Variants in RAB15 observed in about 807,000 individuals in gnomAD.
The protein encoded by RAB15 is RAB15, member RAS oncogene family, also known as ras-related protein Rab-15.
RAB15 carries 13 observed loss-of-function variants against 31.8 expected under a neutral mutation model. The ratio of observed to expected loss-of-function variants is 0.41; its 90% CI spans 0.27 to 0.65. RAB15 has a LOEUF of 0.65. Among genes scored for constraint, RAB15 ranks in the 30% least tolerant of loss-of-function variants. RAB15 has a pLI of 0.32. For synonymous variants in RAB15, 100 were observed against 105.6 expected (o/e 0.95, Z 0.33); for missense variants, 220 against 277.3 (o/e 0.79, Z 1.47).
In RAB15 at chr14:64,950,505, C is replaced by G. The variant is rs1484519795; in HGVS notation, c.325-91G>C. The G allele has an allele frequency of 9.3e-7, 1 of 1,074,112 alleles. No homozygotes were observed. The allele number at this position is 1,074,112 out of a possible 1,614,324, so 66.5% of individuals were successfully genotyped here. A position where few individuals can be genotyped will look rare whatever the true frequency, so the allele number is the denominator to read the frequency against. On this transcript the variant is annotated intron_variant, in intron 4 of 6. Coordinates refer to ENST00000533601, the MANE Select transcript of RAB15 (RefSeq NM_001308154.2). This position sits in a 1 kb window ranked among gnomAD's most constrained non-coding sequence, Gnocchi z 5.6. Reference sequence around the variant, plus strand: ...GTCTGCACTGCCTCCAGCCCACCACCAATTCCAGAGCCCTAGGGACAGGGT... The same window carrying G: ...GTCTGCACTGCCTCCAGCCCACCACGAATTCCAGAGCCCTAGGGACAGGGT...
rs1181366112 is a variant in RAB15 at position 64,947,784 on chromosome 14, G to C, written c.*570C>G. ...ACCCTGTAGCCTTTGGCCCACCCACGAGGCAGGGTGGAGGGTTCTTCCTGG... is the reference window on the plus strand; with the variant it reads ...ACCCTGTAGCCTTTGGCCCACCCACCAGGCAGGGTGGAGGGTTCTTCCTGG... On this transcript the variant is annotated 3_prime_UTR_variant, in exon 7 of 7. Coordinates refer to ENST00000533601, the MANE Select transcript of RAB15 (RefSeq NM_001308154.2). The surrounding 1 kb of genome is among the most constrained non-coding windows in gnomAD (Gnocchi z 5.6). The C allele has an allele frequency of 6.6e-6, 1 of 152,330 alleles. No individual in the cohort carries two copies. The highest frequency in any genetic ancestry group is 1.9e-4 in the East Asian group (1 of 5,176). 9.4% of individuals were successfully genotyped at this position (152,330 alleles called of 1,614,324 possible). A position where few individuals can be genotyped will look rare whatever the true frequency, so the allele number is the denominator to read the frequency against.
chr14:64,962,060 CA>C lies in RAB15; in HGVS notation c.125-9490del, dbSNP rs1566847449. ...TGAAACCTTGTCTCTACTAAAAATACAAAAATTAGCTGGTCGTGGTGGCAGG... is the reference window on the plus strand; with the variant it reads ...TGAAACCTTGTCTCTACTAAAAATACAAAATTAGCTGGTCGTGGTGGCAGG... On this transcript the variant is annotated intron_variant, in intron 1 of 6. Transcript: ENST00000533601. The surrounding 1 kb of genome is among the most constrained non-coding windows in gnomAD (Gnocchi z 4.2). Among the ~76,000 whole-genome samples the C allele has an allele frequency of 6.6e-6, 1 of 151,928 alleles. No individual in the cohort carries two copies. Among genetic ancestry groups the C allele is most frequent in the Non-Finnish European group, 1.5e-5 (1 of 67,960 alleles).
rs1231598598 is a variant in RAB15, at chr14:64,971,541, G to A, written c.124+412C>T. ...CTTGGGTCACCACAGAACCAAGGGCGCCTCAGTGACTCCGGTCTCCACCCT... is the reference window on the plus strand; with the variant it reads ...CTTGGGTCACCACAGAACCAAGGGCACCTCAGTGACTCCGGTCTCCACCCT... On this transcript the variant is annotated intron_variant, in intron 1 of 6. Coordinates refer to ENST00000533601, the MANE Select transcript of RAB15 (RefSeq NM_001308154.2). The surrounding 1 kb of genome is among the most constrained non-coding windows in gnomAD (Gnocchi z 4.1). Among the ~76,000 whole-genome samples, 3 of 151,436 alleles carry A rather than the reference G, an allele frequency of 2.0e-5. No homozygotes were observed. The highest frequency in any genetic ancestry group is 2.9e-5 in the Non-Finnish European group (2 of 67,854).
chr14:64,954,901 A>G lies in RAB15; in HGVS notation c.125-2330T>C, dbSNP rs1771223137. On this transcript the variant is annotated intron_variant, in intron 1 of 6. Transcript: ENST00000533601. This position sits in a 1 kb window ranked among gnomAD's most constrained non-coding sequence, Gnocchi z 4.3. ...ATATTAAGGTGAATTTTTCCCTGTG[A>G]GAGAAGAGGGGATGGAGGGAGAGGT... 6.6e-6 allele frequency among the ~76,000 whole-genome samples: 1 copy of G among 152,140 alleles called. No homozygotes were observed. The highest frequency in any genetic ancestry group is 2.4e-5 in the African/African-American group (1 of 41,416).
At position 64,971,042 on chromosome 14, in the gene RAB15, G is replaced by A. The variant is rs1225719485; in HGVS notation, c.124+911C>T. ...TTCCAGGGGCCTGGGCAATGCAGAG[G>A]CTACTCCAGGGCTGACCCGGGTAGC... On this transcript the variant is annotated intron_variant, in intron 1 of 6. Transcript: ENST00000533601. This position sits in a 1 kb window ranked among gnomAD's most constrained non-coding sequence, Gnocchi z 4.1. 1.3e-5 allele frequency among the ~76,000 whole-genome samples: 2 copies of A among 152,150 alleles called. No homozygotes were observed. Among genetic ancestry groups the A allele is most frequent in the East Asian group, 3.9e-4 (2 of 5,188 alleles).
In RAB15 at chr14:64,954,853, C is replaced by T. The variant is rs987395468; in HGVS notation, c.125-2282G>A. ...TTTGCCTGTGGGTGCCTGAGAAGGACTTTGCTAGGAGAGGAACTTCCAATA... is the reference window on the plus strand; with the variant it reads ...TTTGCCTGTGGGTGCCTGAGAAGGATTTTGCTAGGAGAGGAACTTCCAATA... On this transcript the variant is annotated intron_variant, in intron 1 of 6. Coordinates refer to ENST00000533601, the MANE Select transcript of RAB15 (RefSeq NM_001308154.2). The surrounding 1 kb of genome is among the most constrained non-coding windows in gnomAD (Gnocchi z 4.3). 2.6e-5 allele frequency among the ~76,000 whole-genome samples: 4 copies of T among 152,192 alleles called. No individual in the cohort carries two copies. Among genetic ancestry groups the T allele is most frequent in the Admixed American group, 6.5e-5 (1 of 15,272 alleles).
At chr14:64,965,748 G>A (rs1200751562) in intron 1 of RAB15, among the ~76,000 whole-genome samples, 1 of 152,184 alleles carries the variant, frequency 6.6e-6, no homozygotes, top group Non-Finnish European at 1.5e-5. Flanking sequence ...CAGCCTGTCT[G>A]GGGAGCGGGG....
At chr14:64,967,503 C>A (rs1346295406) in intron 1 of RAB15, among the ~76,000 whole-genome samples, 2 of 151,638 alleles carry the variant, frequency 1.3e-5, no homozygotes, top group Non-Finnish European at 2.9e-5. Context: ...GGGAGGATTG[C>A]GTTTAGGAGA....
rs561301111 is a variant in RAB15, at chr14:64,961,245, G to A, written c.125-8674C>T. Reference sequence around the variant, plus strand: ...CCCTCCCACTGCAGGAAACCAGCATGTGTGGGCCATGTGCACCTCCTGTGG... The same window carrying A: ...CCCTCCCACTGCAGGAAACCAGCATATGTGGGCCATGTGCACCTCCTGTGG... On this transcript the variant is annotated intron_variant, in intron 1 of 6. Coordinates refer to ENST00000533601, the MANE Select transcript of RAB15 (RefSeq NM_001308154.2). Among the ~76,000 whole-genome samples the A allele has an allele frequency of 1.2e-4, 19 of 152,336 alleles. No homozygotes were observed. The East Asian group carries it at 1.4e-3, about 11-fold the overall frequency.
At chr14:64,969,004 A>T (rs1007530014) in intron 1 of RAB15, among the ~76,000 whole-genome samples, 13 of 152,256 alleles carry the variant, frequency 8.5e-5, no homozygotes, top group Admixed American at 3.9e-4. Flanking sequence ...AGTAAATCAC[A>T]AAAGTACTGG....
At chr14:64,963,886 A>C (rs1886984153) in intron 1 of RAB15, among the ~76,000 whole-genome samples, 1 of 152,084 alleles carries the variant, frequency 6.6e-6, no homozygotes. Context: ...CTCAAATGTC[A>C]CTTCCTCTTC....
In RAB15 at chr14:64,954,381, T is replaced by A. The variant is rs1322690458; in HGVS notation, c.125-1810A>T. The A allele has an allele frequency of 1.0e-6, 1 of 985,394 alleles. No individual in the cohort carries two copies. The highest frequency in any genetic ancestry group is 1.1e-4 in the East Asian group (1 of 8,826). 61.0% of individuals were successfully genotyped at this position (985,394 alleles called of 1,614,324 possible). ...TAGAAGGGAATCAAGACATTCTTGT[T>A]TCATGATACAGCACCTTCTTCCAAG... On this transcript the variant is annotated intron_variant, in intron 1 of 6. Coordinates refer to ENST00000533601, the MANE Select transcript of RAB15 (RefSeq NM_001308154.2). The surrounding 1 kb of genome is among the most constrained non-coding windows in gnomAD (Gnocchi z 4.3).
In RAB15 at chr14:64,971,940, C is replaced by G; in HGVS notation, c.124+13G>C. 6.4e-7 allele frequency: 1 copy of G among 1,557,340 alleles called. No homozygotes were observed. The highest frequency in any genetic ancestry group is 8.7e-7 in the Non-Finnish European group (1 of 1,151,350). On this transcript the variant is annotated intron_variant, in intron 1 of 6. Coordinates refer to ENST00000533601, the MANE Select transcript of RAB15 (RefSeq NM_001308154.2). This position sits in a 1 kb window ranked among gnomAD's most constrained non-coding sequence, Gnocchi z 4.1. ...GCGGGGAGGGAGGGGCGCCCCGGGC[C>G]ACCGCCCCTTACCGATGGTGGAGAT...
rs751857403 is a variant in RAB15, at chr14:64,955,006, C to T, written c.125-2435G>A. On this transcript the variant is annotated intron_variant, in intron 1 of 6. Transcript: ENST00000533601. This position sits in a 1 kb window ranked among gnomAD's most constrained non-coding sequence, Gnocchi z 4.4. ...CCGGAAGTGAGGCTGGGCAGTGACT[C>T]CTTCTCACCTCCTCCCTCACTTCTT... Among the ~76,000 whole-genome samples the T allele has an allele frequency of 6.6e-6, 1 of 152,050 alleles. No homozygotes were observed. Among genetic ancestry groups the T allele is most frequent in the African/African-American group, 2.4e-5 (1 of 41,392 alleles).
chr14:64,958,820 G>A lies in RAB15; in HGVS notation c.125-6249C>T, dbSNP rs529864191. 5.3e-5 allele frequency among the ~76,000 whole-genome samples: 8 copies of A among 152,320 alleles called. No individual in the cohort carries two copies. Among genetic ancestry groups the A allele is most frequent in the Non-Finnish European group, 1.2e-4 (8 of 68,036 alleles). On this transcript the variant is annotated intron_variant, in intron 1 of 6. Coordinates refer to ENST00000533601, the MANE Select transcript of RAB15 (RefSeq NM_001308154.2). This position sits in a 1 kb window ranked among gnomAD's most constrained non-coding sequence, Gnocchi z 4.4. Reference sequence around the variant, plus strand: ...CCCAACCAGGTGCCCAAAGCACGGAGAGCAGCTCATTGTTTTTCCCGGCAC... The same window carrying A: ...CCCAACCAGGTGCCCAAAGCACGGAAAGCAGCTCATTGTTTTTCCCGGCAC...
chr14:64,970,178 A>G lies in RAB15; in HGVS notation c.124+1775T>C, dbSNP rs1887348548. Among the ~76,000 whole-genome samples, 1 of 152,160 alleles carries G rather than the reference A, an allele frequency of 6.6e-6. No individual in the cohort carries two copies. The highest frequency in any genetic ancestry group is 1.5e-5 in the Non-Finnish European group (1 of 68,022). On this transcript the variant is annotated intron_variant, in intron 1 of 6. Coordinates refer to ENST00000533601, the MANE Select transcript of RAB15 (RefSeq NM_001308154.2). This position sits in a 1 kb window ranked among gnomAD's most constrained non-coding sequence, Gnocchi z 4.1. The stretch of plus-strand genomic sequence containing the variant: ...CCAGGCAGCCCACAGCTCTCTGGAG[A>G]TAGCTCAGTAGTTCCAAGCACCAGG...
rs760948444 is a variant in RAB15 at position 64,951,046 on chromosome 14, A to G, written c.324+28T>C. ...TTCCCCGGTGAGGCACCCTCTCCAC[A>G]CCCCGGCAGTGAGGTGGCATCTCCT... On this transcript the variant is annotated intron_variant, in intron 4 of 6. Coordinates refer to ENST00000533601, the MANE Select transcript of RAB15 (RefSeq NM_001308154.2). This position sits in a 1 kb window ranked among gnomAD's most constrained non-coding sequence, Gnocchi z 7.2. 1 of 1,613,028 alleles carries G rather than the reference A, an allele frequency of 6.2e-7. No individual in the cohort carries two copies. The highest frequency in any genetic ancestry group is 1.1e-5 in the South Asian group (1 of 91,056).
rs1236306056 is a variant in RAB15, at chr14:64,970,830, T to G, written c.124+1123A>C. 6.6e-6 allele frequency among the ~76,000 whole-genome samples: 1 copy of G among 152,122 alleles called. No homozygotes were observed. Among genetic ancestry groups the G allele is most frequent in the Non-Finnish European group, 1.5e-5 (1 of 68,010 alleles). On this transcript the variant is annotated intron_variant, in intron 1 of 6. Transcript: ENST00000533601. The surrounding 1 kb of genome is among the most constrained non-coding windows in gnomAD (Gnocchi z 4.1). ...TAAAGCTGGCTTCTTAACCAGAAGG[T>G]TCTGTTCCTCCTGGCTGTATCTATC...
rs951121886 is a variant in RAB15 at position 64,968,972 on chromosome 14, A to T, written c.124+2981T>A. On this transcript the variant is annotated intron_variant, in intron 1 of 6. Transcript: ENST00000533601. This position sits in a 1 kb window ranked among gnomAD's most constrained non-coding sequence, Gnocchi z 4.9. Reference sequence around the variant, plus strand: ...GGCGGGTTCTTCTCTAGAAGATCGCAGGCCGTTAAAGTGGAGTACACAGTA... The same window carrying T: ...GGCGGGTTCTTCTCTAGAAGATCGCTGGCCGTTAAAGTGGAGTACACAGTA... 4.6e-5 allele frequency among the ~76,000 whole-genome samples: 7 copies of T among 152,244 alleles called. No homozygotes were observed. Among genetic ancestry groups the T allele is most frequent in the African/African-American group, 1.7e-4 (7 of 41,458 alleles).
Sources: allele counts gnomAD v4.1 joint callset (sites outside exome capture counted in the v4.1 genomes callset), GRCh38; gene constraint gnomAD v4.1.1; non-coding constraint Gnocchi (gnomAD v3.1); transcripts MANE v1.5; gene names NCBI Gene and HGNC (gene_info 2026-07-23, HGNC 2026-07-21).